Variants in PCSK5 observed in about 807,000 individuals in gnomAD.
PCSK5 encodes the protein prohormone convertase 5.
A neutral mutation model predicts 233.2 loss-of-function variants in PCSK5; 129 were observed. The observed-to-expected ratio is 0.55, with a 90% CI of 0.48 to 0.64. PCSK5 has a LOEUF of 0.64. PCSK5 is among the 30% of genes least tolerant of loss of function. PCSK5 has a pLI of 0.00. For synonymous variants in PCSK5, 825 were observed against 879.2 expected (o/e 0.94, Z 1.09); for missense variants, 2,076 against 2,430.1 (o/e 0.85, Z 3.06).
intron 14 of PCSK5, among the ~76,000 whole-genome samples, chr9:76,178,726 T>C (rs536100808): frequency 3.3e-5 from 5 of 152,356 alleles, no homozygotes; most frequent in African/African-American, 1.2e-4. Context: ...TAAAATCATA[T>C]GAATTTTCAG....
At chr9:76,225,685 C>T (rs1825867344) in intron 20 of PCSK5, among the ~76,000 whole-genome samples, 1 of 152,202 alleles carries the variant, frequency 6.6e-6, no homozygotes, top group South Asian at 2.1e-4. Flanking sequence ...ATGATGATGC[C>T]TGTAGTCAGT....
At chr9:75,925,230 T>C (rs959302337) in intron 1 of PCSK5, among the ~76,000 whole-genome samples, 4 of 152,212 alleles carry the variant, frequency 2.6e-5, no homozygotes, top group Admixed American at 6.5e-5. Context: ...AGATATATTT[T>C]TATTCATTCC....
chr9:76,234,579 C>T (rs954633765), intron 22 of PCSK5, among the ~76,000 whole-genome samples: 1 of 152,112 alleles, frequency 6.6e-6, no homozygotes, highest in African/African-American at 2.4e-5. Flanking sequence ...AAATTCATTG[C>T]TTTGTGTTTC....
At position 76,321,623 on chromosome 9, in the gene PCSK5, T is replaced by A. The variant is rs762103292; in HGVS notation, c.4086T>A (p.His1362Gln). The change falls in exon 31 of 38, where the codon CAT becomes CAA. Residue 1362 changes from histidine (H) to glutamine (Q), a missense_variant. Coordinates refer to ENST00000674117, the MANE Select transcript of PCSK5 (RefSeq NM_001372043.1). ...HCPEMCQDCI[H>Q]EKTCKECTPE... ...CAGAGATGTGTCAGGACTGCATCCA[T>A]GAGAAAACATGCAAAGGTACCTAGG... 2 of 1,609,990 alleles carry A rather than the reference T, an allele frequency of 1.2e-6. No individual in the cohort carries two copies. The highest frequency in any genetic ancestry group is 4.5e-5 in the East Asian group (2 of 44,824).
intron 9 of PCSK5, among the ~76,000 whole-genome samples, chr9:76,110,817 A>G (rs1014085838): frequency 1.3e-5 from 2 of 152,228 alleles, no homozygotes; most frequent in Non-Finnish European, 2.9e-5. Context: ...TCATGAAATA[A>G]CTTTGCTATG....
Position 75,891,062 on chromosome 9 carries a change from C to T in PCSK5, c.-120C>T, listed in dbSNP as rs1014906214. ...GCCGCCTCCTGCCGATCGCCCGGGG[C>T]TGCGAGCTGCGGCGGCCCGGGGCTG... is the stretch of plus-strand genomic sequence containing the variant. On this transcript the variant is annotated 5_prime_UTR_variant, in exon 1 of 38. Coordinates refer to ENST00000674117, the MANE Select transcript of PCSK5 (RefSeq NM_001372043.1). 1 of 931,644 alleles carries T rather than the reference C, an allele frequency of 1.1e-6. No individual in the cohort carries two copies. The highest frequency in any genetic ancestry group is 1.5e-6 in the Non-Finnish European group (1 of 686,710). 57.7% of individuals were successfully genotyped at this position (931,644 alleles called of 1,614,324 possible).
At chr9:76,044,760 G>C (rs1829307346) in intron 5 of PCSK5, among the ~76,000 whole-genome samples, 1 of 152,054 alleles carries the variant, frequency 6.6e-6, no homozygotes, top group Non-Finnish European at 1.5e-5. Flanking sequence ...GAAATTATTG[G>C]GATGTTTGTA....
At chr9:75,996,531 T>C (rs1827028575) in intron 3 of PCSK5, among the ~76,000 whole-genome samples, 1 of 152,234 alleles carries the variant, frequency 6.6e-6, no homozygotes, top group Non-Finnish European at 1.5e-5. Context: ...ATGGTTGTGA[T>C]GGAAGTGGCT....
intron 20 of PCSK5, among the ~76,000 whole-genome samples, chr9:76,200,115 T>C (rs1824860027): frequency 6.6e-6 from 1 of 152,032 alleles, no homozygotes; most frequent in Non-Finnish European, 1.5e-5. Flanking sequence ...TTTTCTCTCC[T>C]TTCCCTAATC....
chr9:76,262,396 C>A (rs534245514), intron 24 of PCSK5, among the ~76,000 whole-genome samples: 1 of 152,140 alleles, frequency 6.6e-6, no homozygotes, highest in Non-Finnish European at 1.5e-5. Context: ...GCTACAGTAA[C>A]CAAAACAGCA....
chr9:76,194,704 G>T (rs933301517), intron 20 of PCSK5: 1 of 457,334 alleles, frequency 2.2e-6, no homozygotes, highest in Non-Finnish European at 4.5e-6. Flanking sequence ...TTGGATTAGT[G>T]GCCAGAAACG....
At chr9:76,034,775 C>G (rs551110476) in intron 5 of PCSK5, among the ~76,000 whole-genome samples, 1 of 152,258 alleles carries the variant, frequency 6.6e-6, no homozygotes, top group East Asian at 1.9e-4. Flanking sequence ...AATAGAAAGG[C>G]AAGAACATAT....
intron 9 of PCSK5, among the ~76,000 whole-genome samples, chr9:76,118,202 A>G (rs542636608): frequency 4.6e-5 from 7 of 152,208 alleles, no homozygotes; most frequent in Admixed American, 3.3e-4. Context: ...GTTGCCCAGA[A>G]ACCATCTGGC....
At position 76,097,761 on chromosome 9, in the gene PCSK5, G is replaced by C. The variant is rs79493420; in HGVS notation, c.1107+1659G>C. 3.7e-3 allele frequency among the ~76,000 whole-genome samples: 571 copies of C among 152,350 alleles called. 5 individuals are homozygous for C. The highest frequency in any genetic ancestry group is 0.025 in the South Asian group (120 of 4,828). On this transcript the variant is annotated intron_variant, in intron 8 of 37. Coordinates refer to ENST00000674117, the MANE Select transcript of PCSK5 (RefSeq NM_001372043.1). ...AAGGCAGTAAAAAGTGCCTAGCACA[G>C]TACCCGGCCCTTCAGTGCTTAGGAA...
chr9:76,300,419 C>A (rs1828565371), intron 27 of PCSK5, among the ~76,000 whole-genome samples: 1 of 152,210 alleles, frequency 6.6e-6, no homozygotes, highest in Non-Finnish European at 1.5e-5. Flanking sequence ...AAGGAAGCAT[C>A]TGTATCAGCT....
At chr9:75,950,139 GTGT>G (rs1563932230) in intron 2 of PCSK5, among the ~76,000 whole-genome samples, 1 of 104,434 alleles carries the variant, frequency 9.6e-6, no homozygotes, top group Non-Finnish European at 2.0e-5. Flanking sequence ...ACTTGTGTGT[GTGT>G]GTGGGGGGGG....
At chr9:76,256,092 T>G (rs998681171) in intron 24 of PCSK5, among the ~76,000 whole-genome samples, 5 of 152,248 alleles carry the variant, frequency 3.3e-5, no homozygotes, top group Non-Finnish European at 7.3e-5. Context: ...GTTTCATTCT[T>G]GATTACATTC....
At chr9:76,041,843 G>GGAAAA (rs1554677386) in intron 5 of PCSK5, among the ~76,000 whole-genome samples, 15,921 of 130,774 alleles carry the variant, frequency 0.12, 1,143 homozygotes, top group Non-Finnish European at 0.18. Flanking sequence ...TGTCTCAAGG[G>GGAAAA]AAAAAAAAAA....
At chr9:76,289,482 C>T (rs1828200533) in intron 24 of PCSK5, among the ~76,000 whole-genome samples, 1 of 112,026 alleles carries the variant, frequency 8.9e-6, no homozygotes, top group South Asian at 2.7e-4. Flanking sequence ...CACACACACA[C>T]ACACACACAC....
Sources: allele counts gnomAD v4.1 joint callset (sites outside exome capture counted in the v4.1 genomes callset), GRCh38; gene constraint gnomAD v4.1.1; transcripts MANE v1.5; gene names NCBI Gene and HGNC (gene_info 2026-07-23, HGNC 2026-07-21).